Variants in PCDH15 observed in about 807,000 individuals in gnomAD.
PCDH15 encodes protocadherin related 15.
PCDH15 carries 129 observed loss-of-function variants against 178.5 expected under a neutral mutation model. That is an observed-to-expected ratio of 0.72 (90% CI 0.63 to 0.84). The LOEUF (loss-of-function observed/expected upper bound fraction) is 0.84. Ranked by LOEUF, PCDH15 falls within the 40% of genes least tolerant of loss-of-function variation. The pLI, the probability that PCDH15 is intolerant of heterozygous loss-of-function variation, is 0.00. For synonymous variants in PCDH15, 800 were observed against 732.0 expected, an observed-to-expected ratio of 1.09 and a Z score of -1.50; for missense variants, 2,230 against 2,099.9, an observed-to-expected ratio of 1.06 and a Z score of -1.21.
chr10:54,662,571 A>G (rs530846986), intron 2 of PCDH15, among the ~76,000 whole-genome samples: 2 of 152,120 alleles, frequency 1.3e-5, no homozygotes, highest in African/African-American at 4.8e-5. Context: ...CAATGCAAAT[A>G]TATTTATAAG....
chr10:55,093,054 A>C (rs1000733085), intron 2 of PCDH15, among the ~76,000 whole-genome samples: 3 of 152,106 alleles, frequency 2.0e-5, no homozygotes, highest in African/African-American at 7.2e-5. Context: ...GTGGTACCAG[A>C]TAAAATACCA....
chr10:54,230,263 A>C (rs1377503387), intron 9 of PCDH15, among the ~76,000 whole-genome samples: 1 of 152,204 alleles, frequency 6.6e-6, no homozygotes, highest in Non-Finnish European at 1.5e-5. Context: ...GGATATATTT[A>C]AGGTTATATA....
intron 2 of PCDH15, among the ~76,000 whole-genome samples, chr10:55,467,485 C>T (rs1473836870): frequency 2.6e-5 from 4 of 151,226 alleles, no homozygotes; most frequent in South Asian, 2.1e-4. Context: ...TAAACCTTCA[C>T]TCTCTACAGG....
intron 18 of PCDH15, among the ~76,000 whole-genome samples, chr10:54,035,313 C>A (rs1442479279): frequency 6.6e-6 from 1 of 151,846 alleles, no homozygotes; most frequent in South Asian, 2.1e-4. Flanking sequence ...GACAAAGATG[C>A]CTTAAGCAAA....
intron 2 of PCDH15, among the ~76,000 whole-genome samples, chr10:55,446,385 G>A (rs1412768679): frequency 6.6e-6 from 1 of 151,682 alleles, no homozygotes; most frequent in Non-Finnish European, 1.5e-5. Context: ...GTTCTAAAAA[G>A]AAAACATTCA....
intron 19 of PCDH15, 129 bp downstream of exon 19, chr10:54,022,763 T>C: frequency 2.2e-6 from 2 of 916,658 alleles, no homozygotes; most frequent in South Asian, 1.4e-5. Flanking sequence ...TAAAAATTTA[T>C]TCATTGTTTA....
chr10:54,444,523 A>C (rs2076028644), intron 3 of PCDH15, among the ~76,000 whole-genome samples: 3 of 151,668 alleles, frequency 2.0e-5, no homozygotes, highest in Non-Finnish European at 4.4e-5. Context: ...TATTCTGTAA[A>C]TTGCATCGCA....
intron 2 of PCDH15, among the ~76,000 whole-genome samples, chr10:55,348,051 G>A (rs557381770): frequency 6.6e-6 from 1 of 151,924 alleles, no homozygotes; most frequent in Admixed American, 6.6e-5. Context: ...AAATTTCCAT[G>A]AGTATTTTTA....
intron 13 of PCDH15, among the ~76,000 whole-genome samples, chr10:54,165,378 G>A (rs77149061): frequency 0.011 from 1,741 of 152,118 alleles, 36 homozygotes; most frequent in African/African-American, 0.039. Flanking sequence ...AATTGTCACC[G>A]AAGATGAATC....
intron 2 of PCDH15, among the ~76,000 whole-genome samples, chr10:54,590,495 G>A (rs548027789): frequency 1.5e-4 from 23 of 152,054 alleles, no homozygotes; most frequent in Non-Finnish European, 2.5e-4. Flanking sequence ...ACACATATTC[G>A]GGACCAACAT....
In PCDH15 at chr10:54,925,428, GTT is replaced by G. The variant is rs35799247; in HGVS notation, c.-79-27930_-79-27929del. Among the ~76,000 whole-genome samples, 69 of 131,640 alleles carry G rather than the reference GTT, an allele frequency of 5.2e-4. 1 individual carries two copies. The South Asian group carries it at 0.016, about 31-fold the overall frequency. 86.4% of individuals were successfully genotyped at this position (131,640 alleles called of 152,430 possible). ...TTAGCATTTCCTTGGCTATTCAGGC[GTT>G]TTTTTTTGTTTTCACATTAATTTTA... is the stretch of plus-strand genomic sequence containing the variant. On this transcript the variant is annotated intron_variant, in intron 2 of 5. Transcript: ENST00000458638.
At chr10:55,193,112 T>C (rs1270085466) in intron 1 of PCDH15, among the ~76,000 whole-genome samples, 1 of 151,600 alleles carries the variant, frequency 6.6e-6, no homozygotes, top group Non-Finnish European at 1.5e-5. Context: ...AACCTGGACA[T>C]ACTGCTCTTT....
rs397970217 is a variant in PCDH15 at position 55,309,522 on chromosome 10, TA to T, written c.-156+10076del. ...GACAACAGAACGAGACCTTATCTTTTAAAAAAAAAAAAAAGTTAAAAGATAC... is the reference window on the plus strand; with the variant it reads ...GACAACAGAACGAGACCTTATCTTTTAAAAAAAAAAAAAGTTAAAAGATAC... On this transcript the variant is annotated intron_variant, in intron 1 of 5. Coordinates refer to the PCDH15 transcript ENST00000458638. Among the ~76,000 whole-genome samples the T allele has an allele frequency of 4.5e-3, 646 of 143,960 alleles. 1 individual carries two copies. The highest frequency in any genetic ancestry group is 0.012 in the South Asian group (56 of 4,522). The allele number at this position is 143,960 out of a possible 152,430, so 94.4% of individuals were successfully genotyped here.
intron 2 of PCDH15, among the ~76,000 whole-genome samples, chr10:55,602,035 G>T (rs917133789): frequency 6.6e-6 from 1 of 152,106 alleles, no homozygotes; most frequent in Non-Finnish European, 1.5e-5. Context: ...TGCACGCGCC[G>T]TGCACCAGCC....
intron 1 of PCDH15, among the ~76,000 whole-genome samples, chr10:54,678,258 C>T (rs900098578): frequency 6.6e-6 from 1 of 152,176 alleles, no homozygotes; most frequent in Non-Finnish European, 1.5e-5. Context: ...TCATCACCAA[C>T]ACAAAGTTCA....
intron 21 of PCDH15, among the ~76,000 whole-genome samples, chr10:53,967,144 C>A (rs1360604452): frequency 6.6e-6 from 1 of 152,098 alleles, no homozygotes; most frequent in Non-Finnish European, 1.5e-5. Context: ...TACCCTCATG[C>A]TGTTCTTGGG....
Position 54,422,405 on chromosome 10 carries a change from CAT to C in PCDH15, c.158-43465_158-43464del, listed in dbSNP as rs111820502. 8.0e-3 allele frequency among the ~76,000 whole-genome samples: 1,216 copies of C among 152,168 alleles called. 17 individuals carry two copies. Among genetic ancestry groups the C allele is most frequent in the African/African-American group, 0.028 (1,147 of 41,510 alleles). ...GTAGTTCCTAGAATAGAGCATGACA[CAT>C]GATAAGTGGTCAATAAAATATTGTT... On this transcript the variant is annotated intron_variant, in intron 3 of 37. Transcript: ENST00000644397.
chr10:55,529,702 T>C (rs146485707), intron 2 of PCDH15, among the ~76,000 whole-genome samples: 9 of 143,488 alleles, frequency 6.3e-5, no homozygotes, highest in East Asian at 6.2e-4. Flanking sequence ...TAAATAAATA[T>C]ATATATGTGT....
Position 54,564,799 on chromosome 10 carries a change from T to C in PCDH15, c.92-36922A>G, listed in dbSNP as rs1173300027. On this transcript the variant is annotated intron_variant, in intron 2 of 37. Coordinates refer to ENST00000644397, the MANE Select transcript of PCDH15 (RefSeq NM_001384140.1). Reference sequence around the variant, plus strand: ...TATAAAGATTAAGTTGAAAAAATTATGGGAAGTCCATAGTATAAAACTGAG... The same window carrying C: ...TATAAAGATTAAGTTGAAAAAATTACGGGAAGTCCATAGTATAAAACTGAG... 2.6e-5 allele frequency among the ~76,000 whole-genome samples: 4 copies of C among 152,258 alleles called. 1 individual carries two copies. The highest frequency in any genetic ancestry group is 6.5e-5 in the Admixed American group (1 of 15,284).
Sources: allele counts gnomAD v4.1 joint callset (sites outside exome capture counted in the v4.1 genomes callset), GRCh38; gene constraint gnomAD v4.1.1; transcripts MANE v1.5; gene names NCBI Gene and HGNC (gene_info 2026-07-23, HGNC 2026-07-21).